BNC2: variants seen among roughly 807,000 people sequenced by gnomAD.
BNC2 encodes the protein basonuclin zinc finger protein 2, also known as zinc finger protein basonuclin-2.
A neutral mutation model predicts 76.3 loss-of-function variants in BNC2; 20 were observed. That is an observed-to-expected ratio of 0.26 (90% CI 0.18 to 0.38). The LOEUF is 0.38. Among genes scored for constraint, BNC2 ranks in the 10% least tolerant of loss-of-function variants. BNC2 has a pLI of 1.00. For missense variants in BNC2, 1,382 were observed against 1,399.8 expected, an observed-to-expected ratio of 0.99 and a Z score of 0.20; for synonymous variants, 582 against 514.8, an observed-to-expected ratio of 1.13 and a Z score of -1.77.
chr9:16,685,171 G>C (rs943320378), intron 3 of BNC2, among the ~76,000 whole-genome samples: 1 of 152,084 alleles, frequency 6.6e-6, no homozygotes, highest in Non-Finnish European at 1.5e-5. Context: ...ATATATGTCA[G>C]GTCCTTTAAA....
At chr9:16,747,923 C>T (rs1587376209) in intron 1 of BNC2, among the ~76,000 whole-genome samples, 1 of 152,196 alleles carries the variant, frequency 6.6e-6, no homozygotes, top group East Asian at 1.9e-4. Context: ...TAATTGTTTG[C>T]CTAACATTTG....
intron 3 of BNC2, among the ~76,000 whole-genome samples, chr9:16,604,464 T>C (rs1398427621): frequency 6.6e-6 from 1 of 152,136 alleles, no homozygotes; most frequent in Admixed American, 6.5e-5. Context: ...AAAACTATGC[T>C]AAACCTACGC....
intron 1 of BNC2, 117 bp downstream of exon 1, chr9:16,870,529 C>G (rs1819656307): frequency 2.4e-6 from 3 of 1,246,330 alleles, no homozygotes; most frequent in Non-Finnish European, 3.4e-6. Flanking sequence ...CCTTGCCCCT[C>G]ACGCCGCGGG....
At chr9:16,704,478 T>C (rs1439682570) in intron 3 of BNC2, among the ~76,000 whole-genome samples, 3 of 151,818 alleles carry the variant, frequency 2.0e-5, no homozygotes, top group African/African-American at 7.3e-5. Context: ...CTGCTCCATT[T>C]CCAGAACTCC....
chr9:16,695,761 C>A (rs1823320065), intron 3 of BNC2, among the ~76,000 whole-genome samples: 1 of 152,064 alleles, frequency 6.6e-6, no homozygotes, highest in Non-Finnish European at 1.5e-5. Context: ...GTGAACAGGG[C>A]TCCCAAATCC....
rs115988919 is a variant in BNC2, at chr9:16,687,027, T to C, written c.330+40770A>G. ...AATCTTACGTGTAGATTAACCCTCA[T>C]TTTCCTCTCAACACTCTTACGGAGT... On this transcript the variant is annotated intron_variant, in intron 3 of 6. Transcript: ENST00000380672. 4.4e-3 allele frequency among the ~76,000 whole-genome samples: 666 copies of C among 152,112 alleles called. 8 individuals are homozygous for C. The highest frequency in any genetic ancestry group is 0.015 in the African/African-American group (630 of 41,494).
intron 5 of BNC2, among the ~76,000 whole-genome samples, chr9:16,465,619 T>C (rs891209962): frequency 6.6e-6 from 1 of 152,148 alleles, no homozygotes; most frequent in Non-Finnish European, 1.5e-5. Context: ...CTTACAATAC[T>C]AATATTTAAT....
At chr9:16,607,721 C>G (rs925425339) in intron 3 of BNC2, among the ~76,000 whole-genome samples, 2 of 152,152 alleles carry the variant, frequency 1.3e-5, no homozygotes, top group African/African-American at 4.8e-5. Flanking sequence ...TTTTTGAAAT[C>G]TAAGGTGATG....
At chr9:16,589,875 G>C (rs1819877449) in intron 3 of BNC2, among the ~76,000 whole-genome samples, 1 of 152,212 alleles carries the variant, frequency 6.6e-6, no homozygotes, top group African/African-American at 2.4e-5. Flanking sequence ...TTTACAATAT[G>C]AATTATGAAA....
intron 3 of BNC2, among the ~76,000 whole-genome samples, chr9:16,660,490 G>C (rs1475368649): frequency 1.3e-5 from 2 of 151,550 alleles, no homozygotes; most frequent in African/African-American, 2.4e-5. Context: ...CTTTGTATTA[G>C]TTCCTTGTTT....
chr9:16,734,066 T>C (rs1482351630), intron 2 of BNC2, among the ~76,000 whole-genome samples: 2 of 152,166 alleles, frequency 1.3e-5, no homozygotes, highest in African/African-American at 4.8e-5. Flanking sequence ...GTTGGATCCC[T>C]GTATTTAAAC....
chr9:16,545,028 C>A (rs77177306), intron 5 of BNC2, among the ~76,000 whole-genome samples: 1 of 152,124 alleles, frequency 6.6e-6, no homozygotes, highest in Non-Finnish European at 1.5e-5. Context: ...AAAAGTGAAA[C>A]CAAGATTCAC....
chr9:16,614,862 G>A (rs920593646), intron 3 of BNC2, among the ~76,000 whole-genome samples: 5 of 151,500 alleles, frequency 3.3e-5, no homozygotes, highest in South Asian at 2.1e-4. Flanking sequence ...AAGTCGAGGT[G>A]GAAAGATTAC....
intron 3 of BNC2, among the ~76,000 whole-genome samples, chr9:16,642,964 C>T (rs969924444): frequency 3.3e-5 from 5 of 151,984 alleles, no homozygotes; most frequent in African/African-American, 1.2e-4. Context: ...ATTTGTGAAA[C>T]GAGAATATGA....
chr9:16,422,904 A>AG (rs964077625), intron 6 of BNC2, among the ~76,000 whole-genome samples: 2 of 152,240 alleles, frequency 1.3e-5, no homozygotes, highest in African/African-American at 4.8e-5. Flanking sequence ...ACAAAGACCT[A>AG]GGGTTAATAG....
At chr9:16,660,183 G>A (rs180803322) in intron 3 of BNC2, among the ~76,000 whole-genome samples, 108 of 152,286 alleles carry the variant, frequency 7.1e-4, no homozygotes, top group Non-Finnish European at 1.0e-3. Context: ...GGCCGGGCGC[G>A]GTGGCTCAAG....
At chr9:16,810,185 T>C (rs912060680) in intron 1 of BNC2, among the ~76,000 whole-genome samples, 5 of 152,210 alleles carry the variant, frequency 3.3e-5, no homozygotes, top group Admixed American at 2.6e-4. Context: ...ATAATATGAA[T>C]TGTCCCTGAC....
intron 1 of BNC2, among the ~76,000 whole-genome samples, chr9:16,853,312 G>A (rs1259819538): frequency 6.6e-6 from 1 of 150,986 alleles, no homozygotes; most frequent in Non-Finnish European, 1.5e-5. Context: ...AGGCTAAGGT[G>A]GAGGATCACC....
At chr9:16,480,731 T>C (rs1274038693) in intron 5 of BNC2, among the ~76,000 whole-genome samples, 2 of 152,176 alleles carry the variant, frequency 1.3e-5, no homozygotes, top group Admixed American at 1.3e-4. Context: ...CACCGGGCCC[T>C]AGCTGCCTTC....
Sources: allele counts gnomAD v4.1 joint callset (sites outside exome capture counted in the v4.1 genomes callset), GRCh38; gene constraint gnomAD v4.1.1; transcripts MANE v1.5; gene names NCBI Gene and HGNC (gene_info 2026-07-23, HGNC 2026-07-21).